The following RBM10 variants were observed in gnomAD, a reference collection of about 807,000 sequenced individuals.
The protein encoded by RBM10 is RNA binding motif protein 10.
In RBM10, 1 loss-of-function variant was observed where a neutral mutation model predicts 84.9. The ratio of observed to expected loss-of-function variants is 0.01; its 90% CI spans 0.00 to 0.06. RBM10 has a LOEUF of 0.06. Among genes scored for constraint, RBM10 ranks in the 10% least tolerant of loss-of-function variants. The pLI is 1.00. For missense variants in RBM10, 438 were observed against 839.0 expected, an observed-to-expected ratio of 0.52 and a Z score of 5.90; for synonymous variants, 326 against 344.5, an observed-to-expected ratio of 0.95 and a Z score of 0.60.
chrX:47,173,124 A>G lies in RBM10; in HGVS notation c.433-4A>G, dbSNP rs200197169. ...CCTGCCCTACTCTGTATCTCCCCGTATAGATCCGTGGCCAGCTGCAGTCGC... is the reference window on the plus strand; with the variant it reads ...CCTGCCCTACTCTGTATCTCCCCGTGTAGATCCGTGGCCAGCTGCAGTCGC... On this transcript the variant is annotated splice_polypyrimidine_tract_variant and splice_region_variant and intron_variant, in intron 4 of 23. Coordinates refer to ENST00000377604, the MANE Select transcript of RBM10 (RefSeq NM_005676.5). 8.3e-7 allele frequency: 1 copy of G among 1,210,927 alleles called. No homozygotes were observed. Among genetic ancestry groups the G allele is most frequent in the East Asian group, 3.0e-5 (1 of 33,760 alleles).
chrX:47,145,580 C>T (rs2147056561), intron 1 of RBM10, 95 bp downstream of exon 1: 1 of 714,854 alleles, frequency 1.4e-6, no homozygotes, highest in Non-Finnish European at 1.8e-6. Flanking sequence ...GGGGGAGATG[C>T]GCGGAACGGA....
chrX:47,180,527 T>C (rs2147181066), intron 12 of RBM10, 21 bp downstream of exon 12: 10 of 1,206,583 alleles, frequency 8.3e-6, no homozygotes, highest in Non-Finnish European at 1.1e-5. Flanking sequence ...CCCTTGTGCC[T>C]CCCAGCGTCC....
intron 16 of RBM10, 46 bp downstream of exon 16, chrX:47,182,088 C>G (rs2147196906): frequency 8.3e-7 from 1 of 1,211,338 alleles, no homozygotes; most frequent in Admixed American, 2.2e-5. Flanking sequence ...CAGGTCGCGT[C>G]AGGAACAGCT....
chrX:47,145,634 T>TTG (rs1932078447), intron 1 of RBM10, 149 bp downstream of exon 1: 2 of 296,879 alleles, frequency 6.7e-6, no homozygotes, highest in Non-Finnish European at 9.8e-6. Context: ...TTTTTTTTTT[T>TTG]GGTTTTTTTT....
At chrX:47,146,009 TTTGA>T (rs1556761961) in intron 1 of RBM10, among the ~76,000 whole-genome samples, 2 of 109,141 alleles carry the variant, frequency 1.8e-5, no homozygotes, top group African/African-American at 6.7e-5. Context: ...ACGACTGTCT[TTTGA>T]TTGACCCTAA....
chrX:47,175,186 C>T lies in RBM10; in HGVS notation c.576+94C>T, dbSNP rs1556775566. The T allele has an allele frequency of 9.6e-6, 6 of 626,405 alleles. No individual in the cohort carries two copies. The South Asian group carries it at 1.4e-4, about 14-fold the overall frequency. The allele number at this position is 626,405 out of a possible 1,213,427, so 51.6% of individuals were successfully genotyped here. A position where few individuals can be genotyped will look rare whatever the true frequency, so the allele number is the denominator to read the frequency against. On this transcript the variant is annotated intron_variant, in intron 6 of 23. Coordinates refer to ENST00000377604, the MANE Select transcript of RBM10 (RefSeq NM_005676.5). The stretch of plus-strand genomic sequence containing the variant: ...TGATTCTTATGGACACAGTTCCCTG[C>T]CCTGTGGCCCTGTGTCCCATCCCCC...
intron 2 of RBM10, among the ~76,000 whole-genome samples, chrX:47,148,636 A>G (rs781895193): frequency 3.3e-5 from 3 of 91,113 alleles, no homozygotes; most frequent in African/African-American, 8.0e-5. Flanking sequence ...TCTATGATAC[A>G]TATCATAGAA....
At chrX:47,169,014 G>A (rs1002490348) in intron 2 of RBM10, among the ~76,000 whole-genome samples, 6 of 110,671 alleles carry the variant, frequency 5.4e-5, no homozygotes, top group African/African-American at 1.3e-4. Context: ...AGGAATCCCT[G>A]TATGGGGGCG....
chrX:47,185,763 A>G lies in RBM10; in HGVS notation c.2403A>G (p.Leu801=). 8.3e-7 allele frequency: 1 copy of G among 1,211,620 alleles called. No individual in the cohort carries two copies. Among genetic ancestry groups the G allele is most frequent in the African/African-American group, 1.7e-5 (1 of 57,923 alleles). ...GAGCCCACTTGTCAGAAAACGAGCTAGAAGCACTAGAGAAGAATGACATGG... is the reference window on the plus strand; with the variant it reads ...GAGCCCACTTGTCAGAAAACGAGCTGGAAGCACTAGAGAAGAATGACATGG... ...HRRAHLSENE[L]EALEKNDMEQ... is the part of the protein sequence containing the mutation. Residue 801 remains leucine (L), a synonymous_variant, in exon 21 of 24, where the codon CTA becomes CTG. Coordinates refer to ENST00000377604, the MANE Select transcript of RBM10 (RefSeq NM_005676.5).
At chrX:47,176,445 ACGGTG>A in intron 6 of RBM10, 50 bp from the exon 7 acceptor site, 1 of 1,206,330 alleles carries the variant, frequency 8.3e-7, no homozygotes, top group African/African-American at 1.7e-5. Flanking sequence ...CTATGCTGAA[ACGGTG>A]CGTGGGGCAC....
chrX:47,172,843 C>T (rs1371116722), intron 4 of RBM10, among the ~76,000 whole-genome samples: 8 of 112,590 alleles, frequency 7.1e-5, no homozygotes, highest in Non-Finnish European at 1.5e-4. Context: ...CACTTGCTCT[C>T]TTGTTCTCTG....
rs528823966 is a variant in RBM10, at chrX:47,179,537, G to A, written c.901+42G>A. The A allele has an allele frequency of 2.1e-4, 240 of 1,163,162 alleles. No individual in the cohort carries two copies. In the South Asian group the frequency reaches 4.1e-3, roughly 20 times the overall value. ...TTCTTCCTCTGTGCCCTAGGGTGTC[G>A]GGCTGGGCTCACCAAGACCAGAGAA... On this transcript the variant is annotated intron_variant, in intron 9 of 23. Coordinates refer to ENST00000377604, the MANE Select transcript of RBM10 (RefSeq NM_005676.5).
At chrX:47,176,363 ATCCGCTCTCCGACCTCCCTCCG>A (rs1244758361) in intron 6 of RBM10, 115 bp from the exon 7 acceptor site, 1 of 1,086,170 alleles carries the variant, frequency 9.2e-7, no homozygotes, top group East Asian at 3.3e-5. Context: ...TCTTCCCTCC[ATCCGCTCTCCGACCTCCCTCCG>A]TTCCCTGTCC....
intron 5 of RBM10, 153 bp from the exon 6 acceptor site, chrX:47,174,862 TTCTC>T: frequency 2.4e-6 from 1 of 419,093 alleles, no homozygotes; most frequent in Admixed American, 2.9e-5. Flanking sequence ...CCGCTAGTCT[TTCTC>T]TCTCTGATTG....
chrX:47,169,655 C>G (rs1934495829), intron 3 of RBM10, among the ~76,000 whole-genome samples, 157 bp downstream of exon 3: 1 of 112,141 alleles, frequency 8.9e-6, no homozygotes, highest in South Asian at 3.7e-4. Flanking sequence ...TTCCCACTCC[C>G]CTCTCTGAGG....
chrX:47,168,422 C>G (rs1556770044), intron 2 of RBM10, among the ~76,000 whole-genome samples: 3 of 110,799 alleles, frequency 2.7e-5, no homozygotes. Flanking sequence ...GTGGTGCGTG[C>G]CTGTGGTCCC....
rs1556779840 is a variant in RBM10 at position 47,181,822 on chromosome X, C to G, written c.1649C>G (p.Pro550Arg). Residue 550 changes from proline to arginine, a missense_variant, in exon 15 of 24, where the codon CCA (proline) becomes CGA (arginine). Transcript: ENST00000377604. ...QSPTHPSSAL[P>R]PATSPTAQES... is the part of the protein sequence containing the mutation. ...CCTACCCATCCTAGTTCTGCTCTCCCACCGGCTACCAGCCCCACTGCCCAG... is the reference window on the plus strand; with the variant it reads ...CCTACCCATCCTAGTTCTGCTCTCCGACCGGCTACCAGCCCCACTGCCCAG... 5 of 1,211,642 alleles carry G rather than the reference C, an allele frequency of 4.1e-6. No individual in the cohort carries two copies. The highest frequency in any genetic ancestry group is 5.6e-6 in the Non-Finnish European group (5 of 895,528).
At chrX:47,153,173 T>C (rs1354601665) in intron 2 of RBM10, among the ~76,000 whole-genome samples, 2 of 112,100 alleles carry the variant, frequency 1.8e-5, no homozygotes, top group Non-Finnish European at 3.8e-5. Flanking sequence ...TCTGGCAGCA[T>C]GTACGTCTTA....
chrX:47,156,641 C>T (rs1556765274), intron 2 of RBM10: 5 of 157,527 alleles, frequency 3.2e-5, no homozygotes, highest in Non-Finnish European at 2.4e-5. Flanking sequence ...TCCATGGGTA[C>T]TGGGAGGAGG....
Sources: allele counts gnomAD v4.1 joint callset (sites outside exome capture counted in the v4.1 genomes callset), GRCh38; gene constraint gnomAD v4.1.1; transcripts MANE v1.5; gene names NCBI Gene and HGNC (gene_info 2026-07-23, HGNC 2026-07-21).